Variants in COL28A1 observed in about 807,000 individuals in gnomAD.
The protein encoded by COL28A1 is collagen alpha-1(XXVIII) chain.
COL28A1 carries 161 observed loss-of-function variants against 150.2 expected under a neutral mutation model. The observed-to-expected ratio is 1.07, with a 90% CI of 0.94 to 1.22. COL28A1 has a LOEUF of 1.22. Among genes scored for constraint, COL28A1 ranks in the 50% most tolerant of loss-of-function variants. The pLI, the probability that COL28A1 is intolerant of heterozygous loss-of-function variation, is 0.00. For synonymous variants in COL28A1, 552 were observed against 469.7 expected, an observed-to-expected ratio of 1.18 and a Z score of -2.26; for missense variants, 1,617 against 1,388.3, an observed-to-expected ratio of 1.16 and a Z score of -2.62.
Position 7,432,618 on chromosome 7 carries a change from A to T in COL28A1, c.1929+14T>A, listed in dbSNP as rs904971912. On this transcript the variant is annotated intron_variant, in intron 24 of 34. Transcript: ENST00000399429. The stretch of plus-strand genomic sequence containing the variant: ...TCAAAAAGGAGGGAGGGAAGAAAAA[A>T]ATGTCCCACTTACAGGCACACCAGG... The T allele has an allele frequency of 6.2e-7, 1 of 1,613,708 alleles. No homozygotes were observed. Among genetic ancestry groups the T allele is most frequent in the Non-Finnish European group, 8.5e-7 (1 of 1,179,866 alleles).
Position 7,419,878 on chromosome 7 carries a change from G to A in COL28A1, c.2067+7C>T, listed in dbSNP as rs762061860. ...CCCTCACACAAAGCACTGAGCTGAG[G>A]ACTCACCTTTGGCCCTTGGGTTCCT... On this transcript the variant is annotated splice_region_variant and intron_variant, in intron 26 of 34. Coordinates refer to ENST00000399429, the MANE Select transcript of COL28A1 (RefSeq NM_001037763.3). 1.3e-6 allele frequency: 2 copies of A among 1,586,600 alleles called. No individual in the cohort carries two copies. The highest frequency in any genetic ancestry group is 8.6e-7 in the Non-Finnish European group (1 of 1,167,378).
chr7:7,472,509 G>A (rs1379807725), intron 15 of COL28A1, among the ~76,000 whole-genome samples: 2 of 152,036 alleles, frequency 1.3e-5, no homozygotes. Context: ...AAACACTGCT[G>A]AAAGAAATCA....
Position 7,456,061 on chromosome 7 carries a change from C to T in COL28A1, c.1354G>A (p.Gly452Arg), listed in dbSNP as rs115462979. 44 of 1,613,722 alleles carry T rather than the reference C, an allele frequency of 2.7e-5. No homozygotes were observed. The highest frequency in any genetic ancestry group is 2.7e-4 in the East Asian group (12 of 44,870). Residue 452 changes from glycine to arginine, a missense_variant, in exon 16 of 35, where the codon GGG (glycine) becomes AGG (arginine). Coordinates refer to ENST00000399429, the MANE Select transcript of COL28A1 (RefSeq NM_001037763.3). Reference sequence around the variant, plus strand: ...TTAATTACCTGTTCCCCTTGACTCCCGATTCCAGGGATACCCATTGGTCCT... The same window carrying T: ...TTAATTACCTGTTCCCCTTGACTCCTGATTCCAGGGATACCCATTGGTCCT... ...PQGPMGIPGI[G>R]SQGEQGIQGP...
At position 7,375,601 on chromosome 7, in the gene COL28A1, T is replaced by C. The variant is rs1562493803; in HGVS notation, c.2323-104A>G. ...ACAATCAGCACTGGACCATTTGATTTAATCCTTCCACTGCAGAAAATAAAA... is the reference window on the plus strand; with the variant it reads ...ACAATCAGCACTGGACCATTTGATTCAATCCTTCCACTGCAGAAAATAAAA... On this transcript the variant is annotated intron_variant, in intron 30 of 34. Transcript: ENST00000399429. 3 of 633,004 alleles carry C rather than the reference T, an allele frequency of 4.7e-6. No homozygotes were observed. In the East Asian group the frequency reaches 1.0e-4, roughly 21 times the overall value. The allele number at this position is 633,004 out of a possible 1,614,324, so 39.2% of individuals were successfully genotyped here. A position where few individuals can be genotyped will look rare whatever the true frequency, so the allele number is the denominator to read the frequency against.
intron 30 of COL28A1, among the ~76,000 whole-genome samples, chr7:7,379,957 A>G (rs1781778159): frequency 6.6e-6 from 1 of 151,968 alleles, no homozygotes; most frequent in Admixed American, 6.6e-5. Flanking sequence ...CTGAACTGCC[A>G]CTCCCTCACA....
chr7:7,381,566 C>A lies in COL28A1; in HGVS notation c.2183G>T (p.Gly728Val), dbSNP rs1353771596. The part of the protein sequence containing the change: ...QGFPGPKGTM[G>V]HGLPGQKGEH... Reference sequence around the variant, plus strand: ...TACCTTCTGGCCTGGGAGGCCATGGCCCATTGTGCCCTTTGGGCCTGGGAA... The same window carrying A: ...TACCTTCTGGCCTGGGAGGCCATGGACCATTGTGCCCTTTGGGCCTGGGAA... The change falls in exon 28 of 35, where the codon GGC becomes GTC. Residue 728 changes from glycine to valine, a missense_variant. Physicochemically the swap from Gly to Val is moderately radical, Grantham distance 109. Transcript: ENST00000399429. 1.9e-6 allele frequency: 3 copies of A among 1,613,634 alleles called. No individual in the cohort carries two copies. Among genetic ancestry groups the A allele is most frequent in the Non-Finnish European group, 2.5e-6 (3 of 1,179,664 alleles).
rs774390919 is a variant in COL28A1, at chr7:7,456,045, T to A, written c.1370A>T (p.Gln457Leu). 1 of 1,613,918 alleles carries A rather than the reference T, an allele frequency of 6.2e-7. No homozygotes were observed. The highest frequency in any genetic ancestry group is 8.5e-7 in the Non-Finnish European group (1 of 1,179,890). ...GIPGIGSQGEQGIQGPIGPPG... is the reference protein window; with the variant it reads ...GIPGIGSQGELGIQGPIGPPG... ...GGAAAGGAAGAATGCATTAATTACC[T>A]GTTCCCCTTGACTCCCGATTCCAGG... The change falls in exon 16 of 35, where the codon CAG (glutamine) becomes CTG (leucine). Residue 457 changes from glutamine (Q) to leucine (L), a missense_variant and splice_region_variant. Gln to Leu is a moderately radical substitution (Grantham distance 113). Transcript: ENST00000399429.
intron 13 of COL28A1, among the ~76,000 whole-genome samples, chr7:7,486,819 A>G (rs1779648314): frequency 6.6e-6 from 1 of 152,114 alleles, no homozygotes; most frequent in African/African-American, 2.4e-5. Flanking sequence ...AATTCTTTTT[A>G]TATATTGCTG....
intron 27 of COL28A1, among the ~76,000 whole-genome samples, chr7:7,414,607 G>A (rs1008603919): frequency 1.3e-5 from 2 of 152,312 alleles, no homozygotes; most frequent in South Asian, 2.1e-4. Flanking sequence ...AGGAAAGGCC[G>A]GGGAAAGAAG....
chr7:7,444,497 A>G lies in COL28A1; in HGVS notation c.1510-8T>C, dbSNP rs1002336898. The G allele has an allele frequency of 4.3e-6, 7 of 1,613,170 alleles. No homozygotes were observed. The Admixed American group carries it at 1.2e-4, about 27-fold the overall frequency. ...TATTGAGCCTGGCTCTCCCTGGTGA[A>G]TGAACAAATATTTTATTTCCCTAAA... On this transcript the variant is annotated splice_polypyrimidine_tract_variant and splice_region_variant and intron_variant, in intron 18 of 34. Transcript: ENST00000399429.
rs1782444175 is a variant in COL28A1, at chr7:7,390,071, A to G, written c.2137-8459T>C. Among the ~76,000 whole-genome samples the G allele has an allele frequency of 3.3e-5, 5 of 152,234 alleles. No individual in the cohort carries two copies. The South Asian group carries it at 6.2e-4, about 19-fold the overall frequency. On this transcript the variant is annotated intron_variant, in intron 27 of 34. Transcript: ENST00000399429. ...GAGAGGGCATCCCTATCTTGTGCCA[A>G]ATTTCAACGGGAATGCTTCCAGTTT...
intron 27 of COL28A1, among the ~76,000 whole-genome samples, chr7:7,410,839 G>C (rs567915877): frequency 2.6e-5 from 4 of 152,088 alleles, no homozygotes; most frequent in African/African-American, 4.8e-5. Context: ...CCTTCTGCAG[G>C]TACTTACAAC....
At chr7:7,418,670 T>C (rs891622123) in intron 26 of COL28A1, among the ~76,000 whole-genome samples, 3 of 152,158 alleles carry the variant, frequency 2.0e-5, no homozygotes, top group African/African-American at 7.2e-5. Flanking sequence ...AGTTATTGTA[T>C]AAGTCAGTCT....
Position 7,373,427 on chromosome 7 carries a change from G to T in COL28A1, c.2479C>A (p.Arg827=). 2 of 1,614,084 alleles carry T rather than the reference G, an allele frequency of 1.2e-6. No individual in the cohort carries two copies. Among genetic ancestry groups the T allele is most frequent in the Non-Finnish European group, 1.7e-6 (2 of 1,180,012 alleles). The part of the protein sequence containing the change: ...IKNFVKTMAD[R]VALDLATARI... ...GCCGTGGCAAGGTCCAGAGCAACCC[G>T]GTCAGCCATAGTCTTCACAAAATTT... The change falls in exon 32 of 35, where the codon CGG becomes AGG. Residue 827 remains arginine, a synonymous_variant. Coordinates refer to ENST00000399429, the MANE Select transcript of COL28A1 (RefSeq NM_001037763.3). This position sits in a 1 kb window ranked among gnomAD's most constrained non-coding sequence, Gnocchi z 4.1.
intron 27 of COL28A1, among the ~76,000 whole-genome samples, chr7:7,411,427 T>C (rs902209414): frequency 6.6e-6 from 1 of 152,188 alleles, no homozygotes; most frequent in Admixed American, 6.5e-5. Context: ...TGGTCTCAAA[T>C]GCTGCTGGCA....
At chr7:7,382,716 T>A (rs1185248400) in intron 27 of COL28A1, among the ~76,000 whole-genome samples, 1 of 152,126 alleles carries the variant, frequency 6.6e-6, no homozygotes, top group Non-Finnish European at 1.5e-5. Context: ...TTCAAAACTA[T>A]CCTGATCATC....
chr7:7,458,315 C>G (rs1583422177), intron 15 of COL28A1, among the ~76,000 whole-genome samples: 2 of 151,916 alleles, frequency 1.3e-5, no homozygotes, highest in Admixed American at 1.3e-4. Context: ...ACTCAGGAGG[C>G]TAAGGCAGGA....
At chr7:7,500,751 G>A (rs1372846649) in intron 11 of COL28A1, among the ~76,000 whole-genome samples, 2 of 151,834 alleles carry the variant, frequency 1.3e-5, no homozygotes, top group Admixed American at 6.6e-5. Flanking sequence ...TCTAGCTCTT[G>A]TTTACTGAAT....
chr7:7,382,903 G>C (rs1781948093), intron 27 of COL28A1, among the ~76,000 whole-genome samples: 1 of 152,150 alleles, frequency 6.6e-6, no homozygotes. Flanking sequence ...GGCACTCCTG[G>C]AAGGGGCCAC....
Sources: gnomAD v4.1 joint callset for allele counts (sites outside exome capture counted in the v4.1 genomes callset) on GRCh38, gnomAD v4.1.1 for gene constraint, Gnocchi (gnomAD v3.1) non-coding constraint, MANE v1.5 for transcripts, NCBI Gene and HGNC (gene_info 2026-07-23, HGNC 2026-07-21) for gene names.